ADCY8: variants seen among roughly 807,000 people sequenced by gnomAD.
The protein encoded by ADCY8 is adenylate cyclase type 8.
Under a neutral mutation model 119.7 loss-of-function variants are expected in ADCY8, and 51 were observed. That is an observed-to-expected ratio of 0.43 (90% CI 0.34 to 0.54). The LOEUF is 0.54. Ranked by LOEUF, ADCY8 falls within the 20% of genes least tolerant of loss-of-function variation. The probability of loss-of-function intolerance (pLI) is 0.03; values close to 1 mark genes in which losing one functional copy is unlikely to be tolerated. For missense variants in ADCY8, 1,383 were observed against 1,598.8 expected, an observed-to-expected ratio of 0.87 and a Z score of 2.30; for synonymous variants, 665 against 651.0, an observed-to-expected ratio of 1.02 and a Z score of -0.33.
intron 2 of ADCY8, among the ~76,000 whole-genome samples, chr8:130,969,823 C>G (rs1400896539): frequency 1.3e-5 from 2 of 152,200 alleles, no homozygotes; most frequent in African/African-American, 2.4e-5. Context: ...GATAAGGAAA[C>G]TGAGGCTCAG....
chr8:130,780,880 G>C lies in ADCY8; in HGVS notation c.3269-3C>G. 6.2e-7 allele frequency: 1 copy of C among 1,611,934 alleles called. No individual in the cohort carries two copies. ...TACCACTGAGCCGTGGCTGATGCCT[G>C]GGGGGTGAAGCAAAGGAGCAAGAAG... On this transcript the variant is annotated splice_region_variant and splice_polypyrimidine_tract_variant and intron_variant, in intron 17 of 17. Transcript: ENST00000286355.
At chr8:130,907,953 C>T (rs1819844796) in intron 6 of ADCY8, among the ~76,000 whole-genome samples, 2 of 152,264 alleles carry the variant, frequency 1.3e-5, no homozygotes, top group Admixed American at 6.5e-5. Flanking sequence ...TCCATATGTA[C>T]TCAATGTTTA....
At chr8:130,993,798 T>C (rs897824820) in intron 1 of ADCY8, among the ~76,000 whole-genome samples, 12 of 152,236 alleles carry the variant, frequency 7.9e-5, no homozygotes, top group African/African-American at 2.9e-4. Flanking sequence ...GTCTCAGGTA[T>C]GTCTTTATCA....
chr8:131,032,378 A>T (rs955262511), intron 1 of ADCY8, among the ~76,000 whole-genome samples: 6 of 152,242 alleles, frequency 3.9e-5, no homozygotes, highest in African/African-American at 1.4e-4. Context: ...AAAGTATTTC[A>T]TATATTAAAA....
At chr8:130,865,919 A>G (rs966219426) in intron 9 of ADCY8, among the ~76,000 whole-genome samples, 9 of 152,134 alleles carry the variant, frequency 5.9e-5, no homozygotes, top group African/African-American at 2.2e-4. Flanking sequence ...TGGATTGGGC[A>G]AACTCCTTCC....
chr8:130,872,357 C>A (rs1818398517), intron 8 of ADCY8, among the ~76,000 whole-genome samples: 1 of 152,148 alleles, frequency 6.6e-6, no homozygotes, highest in African/African-American at 2.4e-5. Flanking sequence ...GTAACTCAAC[C>A]ACACCTTCAC....
chr8:130,830,528 TAGAG>T (rs1240217242), intron 12 of ADCY8, among the ~76,000 whole-genome samples: 1 of 152,096 alleles, frequency 6.6e-6, no homozygotes, highest in East Asian at 1.9e-4. Flanking sequence ...TCTCTCTCAA[TAGAG>T]AGAGAGCTGT....
intron 17 of ADCY8, among the ~76,000 whole-genome samples, chr8:130,781,616 A>G (rs1046151932): frequency 6.6e-6 from 1 of 152,148 alleles, no homozygotes; most frequent in Admixed American, 6.5e-5. Flanking sequence ...CTGCTGCATT[A>G]TATTCACACT....
At chr8:130,821,465 G>A (rs1276838310) in intron 12 of ADCY8, 45 bp from the exon 13 acceptor site, 2 of 1,471,850 alleles carry the variant, frequency 1.4e-6, no homozygotes, top group Admixed American at 3.4e-5. Context: ...GGGACTTCAA[G>A]GAGACCTATG....
At chr8:130,792,594 T>C (rs1211275448) in intron 15 of ADCY8, among the ~76,000 whole-genome samples, 2 of 152,216 alleles carry the variant, frequency 1.3e-5, no homozygotes, top group Non-Finnish European at 2.9e-5. Context: ...AAAACCCATA[T>C]AACCCACATC....
chr8:131,037,542 G>A (rs1824195313), intron 1 of ADCY8, among the ~76,000 whole-genome samples: 1 of 152,118 alleles, frequency 6.6e-6, no homozygotes, highest in Non-Finnish European at 1.5e-5. Context: ...GCTATTGCGT[G>A]AAAAGTAGTG....
In ADCY8 at chr8:131,018,153, C is replaced by G. The variant is rs1376574126; in HGVS notation, c.960+21221G>C. Among the ~76,000 whole-genome samples, 3 of 152,104 alleles carry G rather than the reference C, an allele frequency of 2.0e-5. No homozygotes were observed. The East Asian group carries it at 5.8e-4, about 29-fold the overall frequency. ...TTCAATATTTCATATAAAATAATGA[C>G]TCAATGTAGTTCTGATACTGTCTTC... is the stretch of plus-strand genomic sequence containing the variant. On this transcript the variant is annotated intron_variant, in intron 1 of 17. Transcript: ENST00000286355.
At chr8:130,814,305 C>G in intron 13 of ADCY8, 78 bp from the exon 14 acceptor site, 2 of 1,476,558 alleles carry the variant, frequency 1.4e-6, no homozygotes, top group Non-Finnish European at 1.9e-6. Flanking sequence ...AACTGGGAGG[C>G]AGGAAAGGCT....
chr8:130,783,630 G>T, intron 17 of ADCY8, 61 bp downstream of exon 17: 1 of 1,197,478 alleles, frequency 8.4e-7, no homozygotes, highest in Non-Finnish European at 1.2e-6. Flanking sequence ...CAAGGCAGGG[G>T]AGGGTCTGTT....
At position 131,039,808 on chromosome 8, in the gene ADCY8, C is replaced by T. The variant is rs144119269; in HGVS notation, c.526G>A (p.Gly176Ser). ...LERLYQRYFLGQRRKSEVVMN... is the reference protein window; with the variant it reads ...LERLYQRYFLSQRRKSEVVMN... ...ACCACTTCCGATTTGCGCCTTTGGCCCAAGAAATAGCGCTGGTAGAGGCGT... is the reference window on the plus strand; with the variant it reads ...ACCACTTCCGATTTGCGCCTTTGGCTCAAGAAATAGCGCTGGTAGAGGCGT... The change falls in exon 1 of 18, where the codon GGC becomes AGC. Residue 176 changes from glycine to serine, a missense_variant. Physicochemically the swap from Gly to Ser is moderately conservative, Grantham distance 56. This residue lies in a region of ADCY8 where 455 missense variants were observed against 435.3 expected (regional missense o/e 1.05). Coordinates refer to ENST00000286355, the MANE Select transcript of ADCY8 (RefSeq NM_001115.3). The T allele has an allele frequency of 1.2e-6, 2 of 1,614,154 alleles. No individual in the cohort carries two copies. Among genetic ancestry groups the T allele is most frequent in the East Asian group, 2.2e-5 (1 of 44,878 alleles).
At chr8:130,851,304 C>A (rs72712474) in intron 9 of ADCY8, among the ~76,000 whole-genome samples, 5,050 of 152,130 alleles carry the variant, frequency 0.033, 115 homozygotes, top group South Asian at 0.082. Flanking sequence ...ATAAAGAGTT[C>A]TAAACAAACA....
At chr8:130,950,412 G>T (rs1273029119) in intron 3 of ADCY8, among the ~76,000 whole-genome samples, 1 of 152,206 alleles carries the variant, frequency 6.6e-6, no homozygotes, top group Non-Finnish European at 1.5e-5. Flanking sequence ...GCTGCAGGAG[G>T]AATTGCAGTG....
rs1563685102 is a variant in ADCY8 at position 130,836,359 on chromosome 8, T to A, written c.2593A>T (p.Met865Leu). 10 of 1,613,972 alleles carry A rather than the reference T, an allele frequency of 6.2e-6. No individual in the cohort carries two copies. Among genetic ancestry groups the A allele is most frequent in the Non-Finnish European group, 8.5e-6 (10 of 1,179,920 alleles). The change falls in exon 12 of 18, where the codon ATG (methionine) becomes TTG (leucine). Residue 865 changes from methionine (M) to leucine (L), a missense_variant. Met to Leu is a conservative substitution (Grantham distance 15). Around this residue, in one of 2 missense-constraint regions of ADCY8, gnomAD observed 928 missense variants for 1,163.5 expected, o/e 0.80. Coordinates refer to ENST00000286355, the MANE Select transcript of ADCY8 (RefSeq NM_001115.3). ...GTGAGCAGGGCATAGATGGCAATCA[T>A]GATCAGCAGCACTGCCAGCTTCAGG... ...SVLKLAVLLI[M>L]IAIYALLTET...
chr8:130,904,085 C>T (rs183477447), intron 6 of ADCY8, 43 bp from the exon 7 acceptor site: 3 of 1,557,372 alleles, frequency 1.9e-6, no homozygotes, highest in Admixed American at 3.7e-5. Flanking sequence ...CCTGATGTTG[C>T]CTGCAAAGGC....
Sources: allele counts gnomAD v4.1 joint callset (sites outside exome capture counted in the v4.1 genomes callset), GRCh38; gene constraint gnomAD v4.1.1; regional missense constraint gnomAD v4.1.1; transcripts MANE v1.5; gene names NCBI Gene and HGNC (gene_info 2026-07-23, HGNC 2026-07-21).